ADAMTS3: variants seen among roughly 807,000 people sequenced by gnomAD.
The protein encoded by ADAMTS3 is A disintegrin and metalloproteinase with thrombospondin motifs 3.
ADAMTS3 carries 73 observed loss-of-function variants against 129.0 expected under a neutral mutation model. That is an observed-to-expected ratio of 0.57 (90% CI 0.47 to 0.69). The LOEUF (loss-of-function observed/expected upper bound fraction) is 0.69, where lower values mean the gene tolerates loss of function less well. Among genes scored for constraint, ADAMTS3 ranks in the 30% least tolerant of loss-of-function variants. ADAMTS3 has a pLI of 0.00. For synonymous variants in ADAMTS3, 477 were observed against 510.8 expected, an observed-to-expected ratio of 0.93 and a Z score of 0.89; for missense variants, 1,457 against 1,514.5, an observed-to-expected ratio of 0.96 and a Z score of 0.63.
In ADAMTS3 at chr4:72,517,045, AG is replaced by A. The variant is rs1349525118; in HGVS notation, c.504+31432del. ...AATTTATTGAGAGTTTTTAGCATGA[AG>A]GGCTGTTGAATTTTGTCAAAGGCCT... is the stretch of plus-strand genomic sequence containing the variant. On this transcript the variant is annotated intron_variant, in intron 3 of 21. Transcript: ENST00000286657. Among the ~76,000 whole-genome samples the A allele has an allele frequency of 2.6e-5, 4 of 152,160 alleles. No individual in the cohort carries two copies. In the East Asian group the frequency reaches 7.7e-4, roughly 29 times the overall value.
chr4:72,504,891 GT>G (rs761318767), intron 3 of ADAMTS3, among the ~76,000 whole-genome samples: 4 of 152,118 alleles, frequency 2.6e-5, no homozygotes, highest in Non-Finnish European at 5.9e-5. Flanking sequence ...AATTTCTTAG[GT>G]GAGGTTTTCA....
At chr4:72,429,952 A>G (rs574190806) in intron 3 of ADAMTS3, among the ~76,000 whole-genome samples, 2 of 152,154 alleles carry the variant, frequency 1.3e-5, no homozygotes, top group South Asian at 4.1e-4. Context: ...TCAGCAGGCT[A>G]AGATTCAGTA....
intron 3 of ADAMTS3, among the ~76,000 whole-genome samples, chr4:72,473,998 T>C (rs1004760946): frequency 6.6e-6 from 1 of 152,080 alleles, no homozygotes; most frequent in African/African-American, 2.4e-5. Context: ...CAGGAGTAAA[T>C]AGAAGCCAAA....
chr4:72,443,225 G>C (rs1718164466), intron 3 of ADAMTS3, among the ~76,000 whole-genome samples: 1 of 151,564 alleles, frequency 6.6e-6, no homozygotes, highest in Admixed American at 6.6e-5. Context: ...CCATCACCAG[G>C]ACAAAGTCAG....
intron 3 of ADAMTS3, among the ~76,000 whole-genome samples, chr4:72,529,239 G>C (rs191159588): frequency 6.6e-6 from 1 of 152,150 alleles, no homozygotes; most frequent in Non-Finnish European, 1.5e-5. Context: ...AAGGAGTTGA[G>C]GGGAAATGAC....
At chr4:72,547,445 C>T (rs558913122) in intron 3 of ADAMTS3, among the ~76,000 whole-genome samples, 2 of 152,270 alleles carry the variant, frequency 1.3e-5, no homozygotes. Context: ...TAGCTACATA[C>T]GTCACTCAAG....
intron 4 of ADAMTS3, among the ~76,000 whole-genome samples, chr4:72,389,491 C>G (rs1258062911): frequency 6.7e-6 from 1 of 150,238 alleles, no homozygotes; most frequent in Non-Finnish European, 1.5e-5. Context: ...ATCTGTATAA[C>G]TTTGAAATGT....
chr4:72,287,386 C>T (rs1560458763), intron 21 of ADAMTS3, among the ~76,000 whole-genome samples: 1 of 148,518 alleles, frequency 6.7e-6, no homozygotes, highest in Non-Finnish European at 1.5e-5. Flanking sequence ...CAGAGACAGA[C>T]ATACCAAGTT....
chr4:72,502,161 A>G (rs1553919103), intron 3 of ADAMTS3, among the ~76,000 whole-genome samples: 1 of 152,034 alleles, frequency 6.6e-6, no homozygotes, highest in Non-Finnish European at 1.5e-5. Flanking sequence ...CTCCTCCTCA[A>G]TTTTTTGGAG....
chr4:72,521,033 A>G (rs1159181156), intron 3 of ADAMTS3, among the ~76,000 whole-genome samples: 11 of 149,494 alleles, frequency 7.4e-5, no homozygotes, highest in Non-Finnish European at 1.6e-4. Context: ...AGTCTCGTTC[A>G]GTCACCCAGA....
rs561039988 is a variant in ADAMTS3, at chr4:72,519,889, G to A, written c.504+28589C>T. ...TGTTCCATTGCTGGTGAAGAACTGC[G>A]TTCCTTTGGAGGAGGAGAGGCACTC... On this transcript the variant is annotated intron_variant, in intron 3 of 21. Coordinates refer to ENST00000286657, the MANE Select transcript of ADAMTS3 (RefSeq NM_014243.3). Among the ~76,000 whole-genome samples, 128 of 152,264 alleles carry A rather than the reference G, an allele frequency of 8.4e-4. 2 individuals carry two copies. The highest frequency in any genetic ancestry group is 2.6e-3 in the African/African-American group (108 of 41,552).
At chr4:72,458,813 G>T (rs1041664309) in intron 3 of ADAMTS3, among the ~76,000 whole-genome samples, 8 of 151,332 alleles carry the variant, frequency 5.3e-5, no homozygotes, top group African/African-American at 1.2e-4. Context: ...GTTTCTACTC[G>T]TAAGTGCCAC....
intron 3 of ADAMTS3, among the ~76,000 whole-genome samples, chr4:72,469,447 G>A (rs1027225171): frequency 2.6e-5 from 4 of 152,066 alleles, no homozygotes; most frequent in African/African-American, 9.7e-5. Flanking sequence ...GACTTCATAA[G>A]TTGTTGTGAG....
intron 15 of ADAMTS3, among the ~76,000 whole-genome samples, chr4:72,308,058 A>G (rs1309602228): frequency 1.3e-5 from 2 of 151,992 alleles, no homozygotes; most frequent in African/African-American, 4.8e-5. Context: ...AAATAAAACA[A>G]AATGAATTAT....
chr4:72,433,721 T>C (rs1043457535), intron 3 of ADAMTS3, among the ~76,000 whole-genome samples: 1 of 151,892 alleles, frequency 6.6e-6, no homozygotes, highest in African/African-American at 2.4e-5. Context: ...ATCTTGGTAA[T>C]AGTAAGCTTA....
chr4:72,555,077 A>G (rs1721729676), intron 2 of ADAMTS3, among the ~76,000 whole-genome samples: 2 of 151,772 alleles, frequency 1.3e-5, no homozygotes, highest in Non-Finnish European at 2.9e-5. Flanking sequence ...GCTCACCATC[A>G]CTTTAGGATA....
chr4:72,529,418 T>C (rs1438981962), intron 3 of ADAMTS3, among the ~76,000 whole-genome samples: 2 of 151,754 alleles, frequency 1.3e-5, no homozygotes, highest in Non-Finnish European at 2.9e-5. Flanking sequence ...TCCAGGGGAT[T>C]CTGATGCCTA....
chr4:72,385,185 A>T (rs1721414453), intron 4 of ADAMTS3, among the ~76,000 whole-genome samples: 2 of 151,956 alleles, frequency 1.3e-5, no homozygotes, highest in African/African-American at 4.8e-5. Context: ...GTCTCAAAAA[A>T]AAAAAGAAAA....
chr4:72,533,599 A>C (rs1721099923), intron 3 of ADAMTS3, among the ~76,000 whole-genome samples: 1 of 29,698 alleles, frequency 3.4e-5, no homozygotes, highest in African/African-American at 1.9e-4. Context: ...ATATGTATAC[A>C]CATATGCACA....
Sources: allele counts gnomAD v4.1 joint callset (sites outside exome capture counted in the v4.1 genomes callset), GRCh38; gene constraint gnomAD v4.1.1; transcripts MANE v1.5; gene names NCBI Gene and HGNC (gene_info 2026-07-23, HGNC 2026-07-21).